Variants in OTUD7B observed in about 807,000 individuals in gnomAD.
The protein encoded by OTUD7B is OTU deubiquitinase 7B.
Under a neutral mutation model 82.2 loss-of-function variants are expected in OTUD7B, and 34 were observed. The observed-to-expected ratio is 0.41, with a 90% CI of 0.31 to 0.55. The LOEUF (loss-of-function observed/expected upper bound fraction) is 0.55, where lower values mean the gene tolerates loss of function less well. Among genes scored for constraint, OTUD7B ranks in the 20% least tolerant of loss-of-function variants. The probability of loss-of-function intolerance (pLI) is 0.20; values close to 1 mark genes in which losing one functional copy is unlikely to be tolerated. For synonymous variants in OTUD7B, 398 were observed against 402.7 expected (o/e 0.99, Z 0.14); for missense variants, 944 against 1,062.1 (o/e 0.89, Z 1.55).
the OTUD7B span, among the ~76,000 whole-genome samples, chr1:150,061,246 T>C: frequency 6.6e-6 from 1 of 152,192 alleles, no homozygotes; most frequent in African/African-American, 2.4e-5. Flanking sequence ...AACAATATAC[T>C]ATTATTTTTT....
At chr1:149,994,433 T>G (rs983138527) in intron 1 of OTUD7B, among the ~76,000 whole-genome samples, 1 of 151,462 alleles carries the variant, frequency 6.6e-6, no homozygotes, top group Non-Finnish European at 1.5e-5. Context: ...ATACAAAAAT[T>G]AGGTAGGTGT....
At chr1:149,990,361 T>A (rs1196997480) in intron 1 of OTUD7B, among the ~76,000 whole-genome samples, 2 of 152,222 alleles carry the variant, frequency 1.3e-5, no homozygotes, top group African/African-American at 2.4e-5. Flanking sequence ...GCCTAACACA[T>A]TGCTTAGCAC....
chr1:150,058,227 A>G, the OTUD7B span, among the ~76,000 whole-genome samples: 1 of 152,204 alleles, frequency 6.6e-6, no homozygotes, highest in Admixed American at 6.5e-5. Context: ...AGTTAAAAAC[A>G]AAGGATATAG....
chr1:149,970,914 G>A (rs1414889576), intron 3 of OTUD7B, 149 bp downstream of exon 3: 2 of 561,536 alleles, frequency 3.6e-6, no homozygotes, highest in Non-Finnish European at 6.0e-6. Context: ...GCAGCACCTG[G>A]GCAGACTGAG....
intron 1 of OTUD7B, among the ~76,000 whole-genome samples, chr1:149,988,202 A>T (rs1304972954): frequency 6.8e-6 from 1 of 147,694 alleles, no homozygotes; most frequent in Non-Finnish European, 1.5e-5. Flanking sequence ...AACATGGAAT[A>T]AAAAAAAAAA....
chr1:149,974,760 G>C (rs185023512), intron 2 of OTUD7B, among the ~76,000 whole-genome samples: 43 of 151,718 alleles, frequency 2.8e-4, no homozygotes, highest in African/African-American at 9.7e-4. Flanking sequence ...ATGTTGGCCA[G>C]GCTGATCTCA....
At position 150,004,328 on chromosome 1, in the gene OTUD7B, G is replaced by A. The variant is rs1012020219; in HGVS notation, c.-67+6120C>T. Among the ~76,000 whole-genome samples, 6 of 152,204 alleles carry A rather than the reference G, an allele frequency of 3.9e-5. No individual in the cohort carries two copies. The East Asian group carries it at 1.2e-3, about 29-fold the overall frequency. ...TCATCCCAGCACTTTGGGAAGCTAA[G>A]GTGGGCGGATCACTTGAGGTCAGGA... On this transcript the variant is annotated intron_variant, in intron 1 of 11. Transcript: ENST00000581312.
chr1:149,996,747 A>T (rs1651949978), intron 1 of OTUD7B, among the ~76,000 whole-genome samples: 1 of 152,188 alleles, frequency 6.6e-6, no homozygotes, highest in East Asian at 1.9e-4. Flanking sequence ...GTTTAGTATA[A>T]CTCAGGCTAG....
At chr1:149,988,112 C>T (rs1553781249) in intron 1 of OTUD7B, among the ~76,000 whole-genome samples, 1 of 152,070 alleles carries the variant, frequency 6.6e-6, no homozygotes, top group East Asian at 1.9e-4. Flanking sequence ...TCCTTCTACT[C>T]ACCCTGCATA....
At chr1:150,005,672 T>TC (rs1652613671) in intron 1 of OTUD7B, among the ~76,000 whole-genome samples, 1 of 151,588 alleles carries the variant, frequency 6.6e-6, no homozygotes, top group African/African-American at 2.4e-5. Flanking sequence ...CTTTTTTTTT[T>TC]AATTGGACAT....
chr1:150,026,362 C>A, the OTUD7B span, among the ~76,000 whole-genome samples: 1 of 152,172 alleles, frequency 6.6e-6, no homozygotes, highest in Non-Finnish European at 1.5e-5. Context: ...ATAGACCATG[C>A]AATGAATATT....
At chr1:150,008,201 G>C (rs1166250181) in intron 1 of OTUD7B, among the ~76,000 whole-genome samples, 1 of 152,078 alleles carries the variant, frequency 6.6e-6, no homozygotes, top group Non-Finnish European at 1.5e-5. Context: ...CCATGCCCTG[G>C]AATAAAGTAT....
the OTUD7B span, among the ~76,000 whole-genome samples, chr1:150,032,989 A>G: frequency 6.6e-6 from 1 of 152,206 alleles, no homozygotes; most frequent in Non-Finnish European, 1.5e-5. Flanking sequence ...AATTTTTAGT[A>G]ACTGCATATT....
chr1:150,049,779 G>GT, the OTUD7B span, among the ~76,000 whole-genome samples: 5 of 151,964 alleles, frequency 3.3e-5, no homozygotes, highest in Admixed American at 3.3e-4. Flanking sequence ...ATAGAGATGG[G>GT]TTTTACCATG....
chr1:149,939,632 AGAAG>A lies in OTUD7B; in HGVS notation c.*4221_*4224del, dbSNP rs1215727419. ...TATGTCTGGGGCACTGACTCATTGG[AGAAG>A]GAAGACACAGAGGCCAGTCGCGGTG... On this transcript the variant is annotated 3_prime_UTR_variant, in exon 12 of 12. Coordinates refer to ENST00000581312, the MANE Select transcript of OTUD7B (RefSeq NM_020205.4). The A allele has an allele frequency of 6.6e-6, 1 of 152,214 alleles. No homozygotes were observed. The highest frequency in any genetic ancestry group is 1.9e-4 in the East Asian group (1 of 5,192). 9.4% of individuals were successfully genotyped at this position (152,214 alleles called of 1,614,324 possible).
At chr1:149,960,182 C>A (rs1366237314) in intron 6 of OTUD7B, among the ~76,000 whole-genome samples, 1 of 151,956 alleles carries the variant, frequency 6.6e-6, no homozygotes, top group Non-Finnish European at 1.5e-5. Flanking sequence ...TTTAAATTTT[C>A]TTTGCCATTA....
At chr1:150,067,634 G>A in the OTUD7B span, 2 of 512,012 alleles carry the variant, frequency 3.9e-6, no homozygotes, top group South Asian at 6.0e-5. Flanking sequence ...CCCGCGCGTG[G>A]CAGCGGCCCA....
At chr1:149,947,149 C>A in intron 11 of OTUD7B, 102 bp downstream of exon 11, 1 of 624,852 alleles carries the variant, frequency 1.6e-6, no homozygotes, top group Non-Finnish European at 2.9e-6. Flanking sequence ...TTGTAAGCCA[C>A]CACTCAGAAT....
At chr1:149,980,564 T>C (rs1205109049) in intron 1 of OTUD7B, among the ~76,000 whole-genome samples, 2 of 151,492 alleles carry the variant, frequency 1.3e-5, no homozygotes, top group Non-Finnish European at 2.9e-5. Context: ...CTACTAAAAA[T>C]ACAAAAATTT....
Sources: allele counts gnomAD v4.1 joint callset (sites outside exome capture counted in the v4.1 genomes callset), GRCh38; gene constraint gnomAD v4.1.1; transcripts MANE v1.5; gene names NCBI Gene and HGNC (gene_info 2026-07-23, HGNC 2026-07-21).